Variants in COQ7 observed in about 807,000 individuals in gnomAD.
The protein encoded by COQ7 is coenzyme Q7, hydroxylase.
A neutral mutation model predicts 25.0 loss-of-function variants in COQ7; 21 were observed. The ratio of observed to expected loss-of-function variants is 0.84; its 90% CI spans 0.60 to 1.21. COQ7 has a LOEUF of 1.21. COQ7 is among the 50% of genes most tolerant of loss of function. The pLI is 0.00. For missense variants in COQ7, 311 were observed against 296.2 expected, an observed-to-expected ratio of 1.05 and a Z score of -0.37; for synonymous variants, 125 against 112.4, an observed-to-expected ratio of 1.11 and a Z score of -0.71.
chr16:19,079,709 A>C lies in COQ7; in HGVS notation c.*1551A>C, dbSNP rs1449576544. On this transcript the variant is annotated 3_prime_UTR_variant, in exon 6 of 6. Transcript: ENST00000321998. ...TTCTGGGAAAGAACCACATTTTAGGAATTTGCTTCCCACCCAGTGCCCTGC... is the reference window on the plus strand; with the variant it reads ...TTCTGGGAAAGAACCACATTTTAGGCATTTGCTTCCCACCCAGTGCCCTGC... 6.6e-6 allele frequency: 1 copy of C among 152,120 alleles called. No individual in the cohort carries two copies. Among genetic ancestry groups the C allele is most frequent in the African/African-American group, 2.4e-5 (1 of 41,412 alleles). The allele number at this position is 152,120 out of a possible 1,614,324, so 9.4% of individuals were successfully genotyped here. A position where few individuals can be genotyped will look rare whatever the true frequency, so the allele number is the denominator to read the frequency against.
At chr16:19,074,295 G>A (rs2142380516) in intron 3 of COQ7, among the ~76,000 whole-genome samples, 1 of 152,102 alleles carries the variant, frequency 6.6e-6, no homozygotes, top group South Asian at 2.1e-4. Flanking sequence ...GGAGGCCGAG[G>A]CGGGCAGATC....
chr16:19,081,578 T>G (rs1330731937), downstream of COQ7, among the ~76,000 whole-genome samples: 2 of 152,220 alleles, frequency 1.3e-5, no homozygotes, highest in Non-Finnish European at 2.9e-5. Flanking sequence ...TTGCTGGGCT[T>G]GACTTTAAAA....
chr16:19,068,005 G>A, intron 1 of COQ7: 2 of 1,331,524 alleles, frequency 1.5e-6, no homozygotes, highest in Non-Finnish European at 1.9e-6. Context: ...TGATGTCACG[G>A]CAGGTGCGGC....
At chr16:19,067,888 C>T (rs956770826) in intron 1 of COQ7, 151 bp downstream of exon 1, 27 of 1,491,328 alleles carry the variant, frequency 1.8e-5, no homozygotes, top group Non-Finnish European at 2.1e-5. Flanking sequence ...GCCTCCGGGG[C>T]GCTGGCGGGC....
intron 5 of COQ7, among the ~76,000 whole-genome samples, 153 bp downstream of exon 5, chr16:19,077,527 G>A (rs377764808): frequency 3.4e-5 from 5 of 147,488 alleles, no homozygotes; most frequent in South Asian, 2.2e-4. Context: ...GCAAGCAAAC[G>A]CATTATTGCT....
intron 5 of COQ7, 121 bp downstream of exon 5, chr16:19,077,495 A>G: frequency 1.3e-6 from 1 of 759,106 alleles, no homozygotes; most frequent in Non-Finnish European, 2.1e-6. Context: ...AGAGAAAACC[A>G]ATGACGTTGC....
Position 19,079,369 on chromosome 16 carries a change from A to G in COQ7, c.*1211A>G, listed in dbSNP as rs976230967. The G allele has an allele frequency of 6.6e-6, 1 of 152,120 alleles. No homozygotes were observed. The highest frequency in any genetic ancestry group is 6.6e-5 in the Admixed American group (1 of 15,258). 9.4% of individuals were successfully genotyped at this position (152,120 alleles called of 1,614,324 possible). ...TGGATTATTTGTGAAATTGAATTAC[A>G]ACCTTTTCCTTAAGGTCTTTTACCA... On this transcript the variant is annotated 3_prime_UTR_variant, in exon 6 of 6. Coordinates refer to ENST00000321998, the MANE Select transcript of COQ7 (RefSeq NM_016138.5).
At chr16:19,068,584 AGAGATTGCTTTGAGGC>A (rs1310069533) in intron 1 of COQ7, 1 of 201,988 alleles carries the variant, frequency 5.0e-6, no homozygotes, top group Admixed American at 6.1e-5. Flanking sequence ...CCCGGGAGGC[AGAGATTGCTTTGAGGC>A]GAGATTGCAC....
In COQ7 at chr16:19,078,288, G is replaced by GT. The variant is rs34110874; in HGVS notation, c.*143dup. On this transcript the variant is annotated 3_prime_UTR_variant, in exon 6 of 6. Coordinates refer to ENST00000321998, the MANE Select transcript of COQ7 (RefSeq NM_016138.5). ...ATTTTGTTAATAAATTATAAGGTTT[G>GT]TTTTTTTTTTTTTAAACTCTGCAGT... 103,809 of 499,468 alleles carry GT rather than the reference G, an allele frequency of 0.21. 1,935 individuals carry two copies. The highest frequency in any genetic ancestry group is 0.24 in the South Asian group (5,743 of 23,700). 30.9% of individuals were successfully genotyped at this position (499,468 alleles called of 1,614,324 possible).
downstream of COQ7, among the ~76,000 whole-genome samples, chr16:19,081,940 T>A (rs577053292): frequency 7.2e-5 from 11 of 152,224 alleles, no homozygotes; most frequent in African/African-American, 2.6e-4. Context: ...TGGATCAATA[T>A]TCTAGAGGAG....
chr16:19,081,796 A>G (rs1963103999), downstream of COQ7, among the ~76,000 whole-genome samples: 1 of 152,230 alleles, frequency 6.6e-6, no homozygotes, highest in Non-Finnish European at 1.5e-5. Flanking sequence ...CTTGTCATTA[A>G]ATTCTAGTTT....
intron 5 of COQ7, 92 bp from the exon 6 acceptor site, chr16:19,077,989 G>T: frequency 1.1e-6 from 1 of 887,986 alleles, no homozygotes. Flanking sequence ...TTCTTATCCA[G>T]AGAAATCCAA....
At position 19,077,787 on chromosome 16, in the gene COQ7, T is replaced by A. The variant is rs1037247791; in HGVS notation, c.577-294T>A. Among the ~76,000 whole-genome samples, 4 of 151,884 alleles carry A rather than the reference T, an allele frequency of 2.6e-5. No homozygotes were observed. In the South Asian group the frequency reaches 8.3e-4, roughly 32 times the overall value. On this transcript the variant is annotated intron_variant, in intron 5 of 5. Coordinates refer to ENST00000321998, the MANE Select transcript of COQ7 (RefSeq NM_016138.5). ...TTTTTATTTTTAGTGGAGACCGAGT[T>A]TTCACTGTGTTGGCCAGGCTGGTCT...
In COQ7 at chr16:19,078,388, G is replaced by A. The variant is rs781203153; in HGVS notation, c.*230G>A. 2.3e-5 allele frequency: 8 copies of A among 353,342 alleles called. No homozygotes were observed. Among genetic ancestry groups the A allele is most frequent in the Middle Eastern group, 7.7e-4 (1 of 1,302 alleles). The allele number at this position is 353,342 out of a possible 1,614,324, so 21.9% of individuals were successfully genotyped here. On this transcript the variant is annotated 3_prime_UTR_variant, in exon 6 of 6. Coordinates refer to ENST00000321998, the MANE Select transcript of COQ7 (RefSeq NM_016138.5). ...CAGCCTTGTTCAAGTTACAGCAAAC[G>A]AAGCTGGGCCTTGTTTGGTCTCATA...
chr16:19,077,481 A>T, intron 5 of COQ7, 107 bp downstream of exon 5: 1 of 890,032 alleles, frequency 1.1e-6, no homozygotes, highest in Non-Finnish European at 1.7e-6. Flanking sequence ...TGACAGCGAA[A>T]GGGAGAGAAA....
At position 19,077,430 on chromosome 16, in the gene COQ7, G is replaced by A. The variant is rs1013675700; in HGVS notation, c.576+56G>A. The A allele has an allele frequency of 6.3e-6, 9 of 1,438,128 alleles. No individual in the cohort carries two copies. The African/African-American group carries it at 7.1e-5, about 11-fold the overall frequency. 89.1% of individuals were successfully genotyped at this position (1,438,128 alleles called of 1,614,324 possible). On this transcript the variant is annotated intron_variant, in intron 5 of 5. Coordinates refer to ENST00000321998, the MANE Select transcript of COQ7 (RefSeq NM_016138.5). ...GGGACTCCTTATTTGGGAGGCTGAA[G>A]GGGCAGGAGGTTTCTGTTGCCAGAA...
At chr16:19,076,254 ATTTTT>A (rs765074767) in intron 4 of COQ7, among the ~76,000 whole-genome samples, 4 of 120,730 alleles carry the variant, frequency 3.3e-5, no homozygotes, top group East Asian at 2.3e-4. Context: ...CTCACAGCTA[ATTTTT>A]TTTTTTTTTT....
Position 19,078,630 on chromosome 16 carries a change from T to A in COQ7, c.*472T>A, listed in dbSNP as rs1962985883. The A allele has an allele frequency of 6.6e-6, 1 of 152,012 alleles. No homozygotes were observed. Among genetic ancestry groups the A allele is most frequent in the African/African-American group, 2.4e-5 (1 of 41,372 alleles). 9.4% of individuals were successfully genotyped at this position (152,012 alleles called of 1,614,324 possible). On this transcript the variant is annotated 3_prime_UTR_variant, in exon 6 of 6. Coordinates refer to ENST00000321998, the MANE Select transcript of COQ7 (RefSeq NM_016138.5). ...ACCACCACAGCTGGCTAATTCTATT[T>A]TTTTATAGAGGCGAAGTCTCACTAT...
chr16:19,074,214 G>A (rs1962713644), intron 3 of COQ7, 179 bp downstream of exon 3: 2 of 511,568 alleles, frequency 3.9e-6, no homozygotes, highest in East Asian at 3.4e-5. Flanking sequence ...ATTTAAGATA[G>A]AATCTTAATG....
Sources: allele counts gnomAD v4.1 joint callset (sites outside exome capture counted in the v4.1 genomes callset), GRCh38; gene constraint gnomAD v4.1.1; transcripts MANE v1.5; gene names NCBI Gene and HGNC (gene_info 2026-07-23, HGNC 2026-07-21).